The following HIPK1 variants were observed in gnomAD, a reference collection of about 807,000 sequenced individuals.
HIPK1 encodes homeodomain interacting protein kinase 1.
HIPK1 carries 28 observed loss-of-function variants against 117.1 expected under a neutral mutation model. The ratio of observed to expected loss-of-function variants is 0.24; its 90% CI spans 0.18 to 0.33. HIPK1 has a LOEUF of 0.33. HIPK1 is among the 10% of genes least tolerant of loss of function. The probability of loss-of-function intolerance (pLI) is 1.00; values close to 1 mark genes in which losing one functional copy is unlikely to be tolerated. For missense variants in HIPK1, 1,122 were observed against 1,475.1 expected (o/e 0.76, Z 3.92); for synonymous variants, 605 against 562.5 (o/e 1.08, Z -1.07).
At chr1:113,930,101 C>A (rs370435278) in intron 1 of HIPK1, among the ~76,000 whole-genome samples, 1 of 152,200 alleles carries the variant, frequency 6.6e-6, no homozygotes, top group Non-Finnish European at 1.5e-5. Context: ...CGTCTTGCGG[C>A]CCGGCCGCTC....
At chr1:113,955,400 ATC>A (rs1671648813) in intron 4 of HIPK1, among the ~76,000 whole-genome samples, 161 bp from the exon 5 acceptor site, 2 of 152,376 alleles carry the variant, frequency 1.3e-5, no homozygotes, top group Admixed American at 6.5e-5. Context: ...TCAAGGTCAC[ATC>A]TCTCCACTGG....
chr1:113,967,670 G>A (rs999786217), intron 11 of HIPK1, 96 bp from the exon 12 acceptor site: 4 of 761,750 alleles, frequency 5.3e-6, no homozygotes, highest in African/African-American at 3.6e-5. Flanking sequence ...AAAATAAAAT[G>A]CAGCTGCATT....
At chr1:113,972,144 G>A in intron 15 of HIPK1, 190 bp downstream of exon 15, 1 of 1,483,444 alleles carries the variant, frequency 6.7e-7, no homozygotes, top group Non-Finnish European at 9.0e-7. Context: ...GTGTGTTCAG[G>A]ATGTACATTC....
chr1:113,967,021 C>G (rs551258553), intron 11 of HIPK1, among the ~76,000 whole-genome samples: 2 of 152,248 alleles, frequency 1.3e-5, no homozygotes, highest in East Asian at 3.9e-4. Flanking sequence ...TTTCACTTAA[C>G]ATGATGATCT....
intron 10 of HIPK1, among the ~76,000 whole-genome samples, chr1:113,963,917 T>G (rs1216549761): frequency 1.3e-5 from 2 of 152,220 alleles, no homozygotes; most frequent in Non-Finnish European, 2.9e-5. Context: ...GGCCTTTAAT[T>G]TGGCTCAGCT....
At chr1:113,948,316 A>G (rs1440210871) in intron 2 of HIPK1, among the ~76,000 whole-genome samples, 2 of 152,150 alleles carry the variant, frequency 1.3e-5, no homozygotes, top group South Asian at 2.1e-4. Flanking sequence ...CAGTGGCGCA[A>G]TCATGGCTCA....
chr1:113,934,783 T>C (rs2101125589), intron 1 of HIPK1, among the ~76,000 whole-genome samples: 1 of 99,322 alleles, frequency 1.0e-5, no homozygotes, highest in South Asian at 3.1e-4. Flanking sequence ...ACCTCATCTC[T>C]GAAAAAAAAA....
In HIPK1 at chr1:113,941,252, A is replaced by G. The variant is rs1670619154; in HGVS notation, c.869A>G (p.Lys290Arg). Residue 290 changes from lysine (K) to arginine (R), a missense_variant, in exon 2 of 16, where the codon AAG (lysine) becomes AGG (arginine). Coordinates refer to ENST00000426820, the MANE Select transcript of HIPK1 (RefSeq NM_198268.3). This position sits in a 1 kb window ranked among gnomAD's most constrained non-coding sequence, Gnocchi z 4.9. ...AACAAATTTAGCCCACTGCCACTCA[A>G]GTACATCAGACCAATCTTGCAGCAG... The part of the protein sequence containing the change: ...KQNKFSPLPL[K>R]YIRPILQQVA... 5.0e-6 allele frequency: 8 copies of G among 1,614,268 alleles called. No homozygotes were observed. The highest frequency in any genetic ancestry group is 6.8e-6 in the Non-Finnish European group (8 of 1,180,042).
At chr1:113,968,070 A>T in intron 12 of HIPK1, 122 bp downstream of exon 12, 1 of 817,004 alleles carries the variant, frequency 1.2e-6, no homozygotes, top group Non-Finnish European at 1.9e-6. Flanking sequence ...TGCCAAATTG[A>T]GGAAGAGCAA....
chr1:113,936,108 T>C (rs932053164), intron 1 of HIPK1, among the ~76,000 whole-genome samples: 2 of 152,158 alleles, frequency 1.3e-5, no homozygotes, highest in African/African-American at 4.8e-5. Flanking sequence ...GCCATTGTGA[T>C]TCTGTATTTT....
At position 113,973,555 on chromosome 1, in the gene HIPK1, G is replaced by A; in HGVS notation, c.*43G>A. ...GGAGGAATCATGGCTACCTTCTCCT[G>A]GCCCTGCGTTCTTAATATTGGGCTA... On this transcript the variant is annotated 3_prime_UTR_variant, in exon 16 of 16. Coordinates refer to ENST00000426820, the MANE Select transcript of HIPK1 (RefSeq NM_198268.3). 1 of 1,536,284 alleles carries A rather than the reference G, an allele frequency of 6.5e-7. No individual in the cohort carries two copies. Among genetic ancestry groups the A allele is most frequent in the South Asian group, 1.3e-5 (1 of 78,428 alleles).
In HIPK1 at chr1:113,970,186, C is replaced by A. The variant is rs748747126; in HGVS notation, c.3002C>A (p.Thr1001Asn). 2 of 1,614,186 alleles carry A rather than the reference C, an allele frequency of 1.2e-6. No individual in the cohort carries two copies. Among genetic ancestry groups the A allele is most frequent in the Non-Finnish European group, 8.5e-7 (1 of 1,180,020 alleles). ...KTQLGDCTVA[T>N]QASGLLSNKT... ...CAGCTTGGTGACTGCACTGTAGCAA[C>A]CCAGGCCTCAGGTCAGTGTTATCTT... is the stretch of plus-strand genomic sequence containing the variant. The change falls in exon 14 of 16, where the codon ACC becomes AAC. Residue 1001 changes from threonine to asparagine, a missense_variant. Around this residue, in one of 6 missense-constraint regions of HIPK1, gnomAD observed 731 missense variants for 860.4 expected, o/e 0.85. Transcript: ENST00000426820.
At chr1:113,952,910 G>A in intron 3 of HIPK1, 21 bp downstream of exon 3, 1 of 1,458,634 alleles carries the variant, frequency 6.9e-7, no homozygotes, top group Non-Finnish European at 9.1e-7. Context: ...TTATTTGAAT[G>A]GAAATAGAAT....
intron 5 of HIPK1, 81 bp from the exon 6 acceptor site, chr1:113,956,546 A>G (rs931891515): frequency 3.1e-5 from 29 of 938,042 alleles, no homozygotes; most frequent in Middle Eastern, 2.3e-4. Flanking sequence ...ACACACACAC[A>G]TAGTTTGGAG....
chr1:113,929,599 G>GC (rs1256183597), intron 1 of HIPK1, 67 bp downstream of exon 1: 7 of 1,178,002 alleles, frequency 5.9e-6, no homozygotes, highest in African/African-American at 1.6e-5. Flanking sequence ...TTGAGGGACG[G>GC]CCGCTCGGCA....
rs975819772 is a variant in HIPK1, at chr1:113,956,972, T to C, written c.1593-152T>C. The stretch of plus-strand genomic sequence containing the variant: ...AACATCATAAGATAAAAATTAGATG[T>C]GTATTTTTCTTCCCTATGATTATAC... On this transcript the variant is annotated intron_variant, in intron 6 of 15. Transcript: ENST00000426820. 1.4e-5 allele frequency: 12 copies of C among 851,370 alleles called. No individual in the cohort carries two copies. The African/African-American group carries it at 1.9e-4, about 13-fold the overall frequency. 52.7% of individuals were successfully genotyped at this position (851,370 alleles called of 1,614,324 possible).
intron 2 of HIPK1, among the ~76,000 whole-genome samples, chr1:113,947,835 A>G (rs187214085): frequency 7.5e-4 from 114 of 152,336 alleles, no homozygotes; most frequent in Non-Finnish European, 1.1e-3. Context: ...CCATTTTCCT[A>G]CTGAAGTGAA....
At chr1:113,951,293 G>A (rs985178103) in intron 2 of HIPK1, 3 of 980,762 alleles carry the variant, frequency 3.1e-6, no homozygotes, top group Non-Finnish European at 2.4e-6. Context: ...ACATAGATGA[G>A]TATGTACTTT....
At chr1:113,933,346 G>A (rs1670026666) in intron 1 of HIPK1, 1 of 219,152 alleles carries the variant, frequency 4.6e-6, no homozygotes. Context: ...GGAACCCAGA[G>A]AGACTTGGTA....
Sources: allele counts gnomAD v4.1 joint callset (sites outside exome capture counted in the v4.1 genomes callset), GRCh38; gene constraint gnomAD v4.1.1; regional missense constraint gnomAD v4.1.1; non-coding constraint Gnocchi (gnomAD v3.1); transcripts MANE v1.5; gene names NCBI Gene and HGNC (gene_info 2026-07-23, HGNC 2026-07-21).